MYCBP2: variants seen among roughly 807,000 people sequenced by gnomAD.
MYCBP2 encodes E3 ubiquitin-protein ligase MYCBP2.
In MYCBP2, 120 loss-of-function variants were observed where a neutral mutation model predicts 525.3. That is an observed-to-expected ratio of 0.23 (90% CI 0.20 to 0.27). The LOEUF is 0.27. Ranked by LOEUF, MYCBP2 falls within the 10% of genes least tolerant of loss-of-function variation. The pLI is 1.00. For missense variants in MYCBP2, 4,149 were observed against 5,657.1 expected (o/e 0.73, Z 8.55); for synonymous variants, 1,894 against 1,955.8 (o/e 0.97, Z 0.83).
At chr13:77,292,594 T>C (rs1440404306) in intron 2 of MYCBP2, among the ~76,000 whole-genome samples, 1 of 151,728 alleles carries the variant, frequency 6.6e-6, no homozygotes, top group Non-Finnish European at 1.5e-5. Context: ...TGAAAACTAA[T>C]CTACAGTGAC....
At position 77,095,617 on chromosome 13, in the gene MYCBP2, A is replaced by C. The variant is rs2046119456; in HGVS notation, c.9955-15T>G. 1.2e-6 allele frequency: 2 copies of C among 1,606,518 alleles called. No individual in the cohort carries two copies. Among genetic ancestry groups the C allele is most frequent in the Non-Finnish European group, 1.7e-6 (2 of 1,174,826 alleles). On this transcript the variant is annotated splice_polypyrimidine_tract_variant and intron_variant, in intron 57 of 82. Coordinates refer to ENST00000544440, the MANE Select transcript of MYCBP2 (RefSeq NM_015057.5). ...GATTGTTTGACCTGGCGAAGAAAAA[A>C]ATCAAACTAATCTTTTCTGACTTAC...
intron 17 of MYCBP2, among the ~76,000 whole-genome samples, chr13:77,241,729 T>C (rs755363698): frequency 2.0e-5 from 3 of 152,174 alleles, no homozygotes; most frequent in Non-Finnish European, 4.4e-5. Flanking sequence ...TCAGATGCTA[T>C]GAAGAACACT....
intron 18 of MYCBP2, among the ~76,000 whole-genome samples, chr13:77,229,935 T>A (rs1800158392): frequency 6.6e-6 from 1 of 152,208 alleles, no homozygotes; most frequent in Non-Finnish European, 1.5e-5. Flanking sequence ...TCTAGAACAA[T>A]TCAGATGTTC....
At chr13:77,243,781 G>C (rs1036225803) in intron 16 of MYCBP2, 25 bp downstream of exon 16, 1 of 1,608,158 alleles carries the variant, frequency 6.2e-7, no homozygotes, top group Non-Finnish European at 8.5e-7. Flanking sequence ...ACTCAGTGTA[G>C]CATAGTATAA....
chr13:77,045,385 G>T lies in MYCBP2; in HGVS notation c.14030C>A (p.Thr4677Asn). 1 of 1,612,220 alleles carries T rather than the reference G, an allele frequency of 6.2e-7. No individual in the cohort carries two copies. Among genetic ancestry groups the T allele is most frequent in the Non-Finnish European group, 8.5e-7 (1 of 1,178,758 alleles). The change falls in exon 83 of 83, where the codon ACT becomes AAT. Residue 4677 changes from threonine to asparagine, a missense_variant. Around this residue, in one of 21 missense-constraint regions of MYCBP2, gnomAD observed 45 missense variants for 130.1 expected, o/e 0.35. Transcript: ENST00000544440. Reference protein sequence around the residue: ...LGCGVCRNAHTF With the variant: ...LGCGVCRNAHNF ...ACAAAGGATCTGCGTGTTCTAAAAA[G>T]TGTGGGCATTTCTGCACACTCCACA...
At chr13:77,060,948 G>C (rs956879647) in intron 76 of MYCBP2, among the ~76,000 whole-genome samples, 2 of 152,058 alleles carry the variant, frequency 1.3e-5, no homozygotes, top group Non-Finnish European at 2.9e-5. Flanking sequence ...TGACTTGCTC[G>C]ACACCACACA....
chr13:77,176,019 C>CTTT (rs35933603), intron 36 of MYCBP2, among the ~76,000 whole-genome samples: 1 of 142,896 alleles, frequency 7.0e-6, no homozygotes, highest in East Asian at 2.0e-4. Flanking sequence ...AACAAAAACA[C>CTTT]TTTTTTTTTT....
At chr13:77,285,874 GAAAGGAAAGGAAAGGAAAGGAAAGC>G (rs1485053009) in intron 3 of MYCBP2, among the ~76,000 whole-genome samples, 241 of 149,218 alleles carry the variant, frequency 1.6e-3, no homozygotes, top group African/African-American at 5.6e-3. Flanking sequence ...GAAAGGAAAG[GAAAGGAAAGGAAAGGAAAGGAAAGC>G]AAAGGAAAGC....
At chr13:77,116,823 TATTA>T (rs1185203354) in intron 55 of MYCBP2, among the ~76,000 whole-genome samples, 2 of 152,092 alleles carry the variant, frequency 1.3e-5, no homozygotes, top group Non-Finnish European at 2.9e-5. Context: ...TGAAATATTT[TATTA>T]ATTAAATTTG....
At chr13:77,221,171 A>G (rs915722913) in intron 20 of MYCBP2, among the ~76,000 whole-genome samples, 16 of 152,216 alleles carry the variant, frequency 1.1e-4, no homozygotes, top group African/African-American at 3.6e-4. Context: ...AGAAACCCTG[A>G]TATTTTGTTT....
chr13:77,238,006 G>A (rs987830247), intron 17 of MYCBP2, among the ~76,000 whole-genome samples: 1 of 152,060 alleles, frequency 6.6e-6, no homozygotes, highest in Admixed American at 6.5e-5. Flanking sequence ...CACTTTGGGA[G>A]GCCAAGGCAG....
intron 41 of MYCBP2, among the ~76,000 whole-genome samples, chr13:77,165,699 C>T (rs2058448887): frequency 6.6e-6 from 1 of 152,148 alleles, no homozygotes; most frequent in Admixed American, 6.5e-5. Context: ...TTGTCAAATA[C>T]TGAGGTTAGC....
At chr13:77,258,486 T>G (rs982320593) in intron 13 of MYCBP2, among the ~76,000 whole-genome samples, 1 of 152,174 alleles carries the variant, frequency 6.6e-6, no homozygotes, top group Non-Finnish European at 1.5e-5. Flanking sequence ...TTTTCCAATA[T>G]ACATTAAAAT....
intron 4 of MYCBP2, 24 bp from the exon 5 acceptor site, chr13:77,273,692 T>C: frequency 6.9e-7 from 1 of 1,439,070 alleles, no homozygotes; most frequent in Non-Finnish European, 9.2e-7. Context: ...AGAATTCAAT[T>C]ATATTCATCC....
chr13:77,066,307 A>G (rs2040187985), intron 71 of MYCBP2, among the ~76,000 whole-genome samples: 1 of 152,170 alleles, frequency 6.6e-6, no homozygotes, highest in Non-Finnish European at 1.5e-5. Flanking sequence ...CTGTTTGCAC[A>G]TTATTTCTGT....
At chr13:77,325,412 G>A (rs1393629911) in intron 1 of MYCBP2, among the ~76,000 whole-genome samples, 1 of 152,184 alleles carries the variant, frequency 6.6e-6, no homozygotes, top group Admixed American at 6.5e-5. Flanking sequence ...GGTGAAACAA[G>A]TCAGTCACCA....
At chr13:77,136,002 A>AT (rs1400746037) in intron 52 of MYCBP2, among the ~76,000 whole-genome samples, 1 of 151,898 alleles carries the variant, frequency 6.6e-6, no homozygotes, top group Non-Finnish European at 1.5e-5. Context: ...CGCCTGGCTA[A>AT]TTTTTGTATT....
In MYCBP2 at chr13:77,096,305, A is replaced by C. The variant is rs888760153; in HGVS notation, c.9954+7T>G. On this transcript the variant is annotated splice_region_variant and intron_variant, in intron 57 of 82. Transcript: ENST00000544440. ...TTAAAAGTATAGCTCCAAATGGAAT[A>C]AAATACCTTCTCCCTTGCAGCAGCC... 6.2e-7 allele frequency: 1 copy of C among 1,612,566 alleles called. No individual in the cohort carries two copies. Among genetic ancestry groups the C allele is most frequent in the Admixed American group, 1.7e-5 (1 of 59,910 alleles).
intron 14 of MYCBP2, among the ~76,000 whole-genome samples, chr13:77,255,743 C>T (rs183989687): frequency 2.2e-3 from 335 of 151,922 alleles, no homozygotes; most frequent in African/African-American, 7.3e-3. Context: ...CACAGACACA[C>T]GAATAAGGCA....
Sources: gnomAD v4.1 joint callset for allele counts (sites outside exome capture counted in the v4.1 genomes callset) on GRCh38, gnomAD v4.1.1 for gene constraint, gnomAD v4.1.1 regional missense constraint, MANE v1.5 for transcripts, NCBI Gene and HGNC (gene_info 2026-07-23, HGNC 2026-07-21) for gene names.